ZFYVE16: variants seen among roughly 807,000 people sequenced by gnomAD.
ZFYVE16 encodes the protein zinc finger FYVE-type containing 16.
A neutral mutation model predicts 138.1 loss-of-function variants in ZFYVE16; 89 were observed. That is an observed-to-expected ratio of 0.64 (90% CI 0.54 to 0.77). ZFYVE16 has a LOEUF of 0.77. ZFYVE16 is among the 30% of genes least tolerant of loss of function. The probability of loss-of-function intolerance (pLI) is 0.00; values close to 1 mark genes in which losing one functional copy is unlikely to be tolerated. For missense variants in ZFYVE16, 1,793 were observed against 1,786.7 expected (o/e 1.00, Z -0.06); for synonymous variants, 596 against 618.3 (o/e 0.96, Z 0.53).
rs1479171598 is a variant in ZFYVE16, at chr5:80,459,463, A to C, written c.3993A>C (p.Ser1331=). 1 of 1,613,296 alleles carries C rather than the reference A, an allele frequency of 6.2e-7. No homozygotes were observed. Among genetic ancestry groups the C allele is most frequent in the Admixed American group, 1.7e-5 (1 of 59,946 alleles). Residue 1331 remains serine, a synonymous_variant, in exon 15 of 19, where the codon TCA becomes TCC. Transcript: ENST00000505560. ...TCAATGGAGCTCTAAAAACATCTTC[A>C]GGATTTCTTGCTAAGTCCAGCATAG... The part of the protein sequence containing the change: ...VVFNGALKTS[S]GFLAKSSIVE...
rs1198277279 is a variant in ZFYVE16 at position 80,451,606 on chromosome 5, A to G, written c.3504A>G (p.Pro1168=). 5.0e-6 allele frequency: 8 copies of G among 1,613,786 alleles called. No individual in the cohort carries two copies. Among genetic ancestry groups the G allele is most frequent in the Admixed American group, 1.7e-5 (1 of 59,998 alleles). Residue 1168 remains proline, a synonymous_variant, in exon 11 of 19, where the codon CCA becomes CCG. Coordinates refer to ENST00000505560, the MANE Select transcript of ZFYVE16 (RefSeq NM_001284236.3). ...TFQKLDDLSL[P]SNPFLCGILI... is the part of the protein sequence containing the mutation. ...AGAAACTTGATGATCTCTCATTACC[A>G]AGTAATCCTTTTCTTTGTGGAATTC... is the stretch of plus-strand genomic sequence containing the variant.
chr5:80,419,097 A>G (rs891432423), intron 1 of ZFYVE16, among the ~76,000 whole-genome samples: 110 of 85,936 alleles, frequency 1.3e-3, no homozygotes, highest in African/African-American at 4.8e-3. Flanking sequence ...TTTTTTTTTT[A>G]TGCAGGGTCT....
intron 2 of ZFYVE16, among the ~76,000 whole-genome samples, chr5:80,429,874 A>G (rs1430118073): frequency 2.0e-5 from 3 of 152,240 alleles, no homozygotes; most frequent in African/African-American, 7.2e-5. Context: ...GGATCAATTC[A>G]ACAAGAAGAG....
In ZFYVE16 at chr5:80,482,718, G is replaced by A. The variant is rs1755315423; in HGVS notation, c.*5341G>A. On this transcript the variant is annotated 3_prime_UTR_variant, in exon 19 of 19. Transcript: ENST00000505560. ...GTATATAGGAGAACCAAAGATTTCA[G>A]TGATGGCAGATTTCTCATCAGAAAC... The A allele has an allele frequency of 6.6e-6, 1 of 152,340 alleles. No individual in the cohort carries two copies. Among genetic ancestry groups the A allele is most frequent in the East Asian group, 1.9e-4 (1 of 5,192 alleles). The allele number at this position is 152,340 out of a possible 1,614,324, so 9.4% of individuals were successfully genotyped here.
intron 6 of ZFYVE16, 44 bp from the exon 7 acceptor site, chr5:80,445,219 C>A: frequency 6.3e-7 from 1 of 1,591,980 alleles, no homozygotes; most frequent in South Asian, 1.1e-5. Flanking sequence ...AAATCATTGC[C>A]ATATTACCAG....
intron 7 of ZFYVE16, among the ~76,000 whole-genome samples, chr5:80,446,145 C>T (rs1050978107): frequency 3.3e-5 from 5 of 152,066 alleles, no homozygotes; most frequent in Non-Finnish European, 7.4e-5. Context: ...ATCTGCCCAT[C>T]TCGGCCTCCC....
intron 13 of ZFYVE16, 82 bp downstream of exon 13, chr5:80,456,647 T>C (rs951890096): frequency 9.7e-6 from 12 of 1,240,440 alleles, no homozygotes; most frequent in African/African-American, 1.5e-5. Flanking sequence ...ATTTTTTGTT[T>C]TGAATTAGAC....
chr5:80,430,611 A>G (rs1475511159), intron 2 of ZFYVE16, among the ~76,000 whole-genome samples: 8 of 152,092 alleles, frequency 5.3e-5, no homozygotes, highest in Non-Finnish European at 1.2e-4. Flanking sequence ...AAGGAGATAG[A>G]GACACAAAAA....
intron 7 of ZFYVE16, 149 bp from the exon 8 acceptor site, chr5:80,447,877 G>A: frequency 1.6e-6 from 1 of 630,220 alleles, no homozygotes; most frequent in South Asian, 3.9e-5. Flanking sequence ...ACTGTTTCTT[G>A]GGAAATTTGA....
At position 80,438,317 on chromosome 5, in the gene ZFYVE16, C is replaced by A; in HGVS notation, c.1632C>A (p.Thr544=). The A allele has an allele frequency of 1.2e-6, 2 of 1,613,708 alleles. No individual in the cohort carries two copies. The highest frequency in any genetic ancestry group is 2.2e-5 in the South Asian group (2 of 91,058). Reference sequence around the variant, plus strand: ...TTCTGACAGAACAGTATCTTCAGACCACTAACATAAAGTCTTTTGAAGAAA... The same window carrying A: ...TTCTGACAGAACAGTATCTTCAGACAACTAACATAAAGTCTTTTGAAGAAA... ...DAFLTEQYLQ[T]TNIKSFEENV... Residue 544 remains threonine (T), a synonymous_variant, in exon 4 of 19, where the codon ACC becomes ACA. Coordinates refer to ENST00000505560, the MANE Select transcript of ZFYVE16 (RefSeq NM_001284236.3).
At chr5:80,436,364 C>G (rs1274667842) in intron 3 of ZFYVE16, among the ~76,000 whole-genome samples, 2 of 152,160 alleles carry the variant, frequency 1.3e-5, no homozygotes, top group Non-Finnish European at 2.9e-5. Flanking sequence ...TCAAGGACAT[C>G]AAATTATCAG....
chr5:80,435,592 AG>A (rs1217649917), intron 3 of ZFYVE16, among the ~76,000 whole-genome samples: 3 of 152,202 alleles, frequency 2.0e-5, no homozygotes, highest in African/African-American at 7.2e-5. Flanking sequence ...TCTAAGAGAC[AG>A]GGTCTTGCTC....
intron 5 of ZFYVE16, chr5:80,441,336 G>T (rs1427753523): frequency 1.0e-6 from 1 of 985,140 alleles, no homozygotes; most frequent in Non-Finnish European, 1.2e-6. Flanking sequence ...AAATTCAGTA[G>T]AATACTGAGA....
intron 10 of ZFYVE16, among the ~76,000 whole-genome samples, chr5:80,450,789 A>G (rs1230331362): frequency 1.3e-5 from 2 of 151,186 alleles, no homozygotes; most frequent in African/African-American, 4.9e-5. Flanking sequence ...TTGTATTTTA[A>G]AAATGGAAAT....
chr5:80,435,377 C>G (rs961541394), intron 3 of ZFYVE16, among the ~76,000 whole-genome samples: 11 of 152,028 alleles, frequency 7.2e-5, no homozygotes, highest in African/African-American at 2.7e-4. Flanking sequence ...CCATGTTGGC[C>G]AGGCTAGTCT....
At chr5:80,434,028 CTG>C (rs1444183085) in intron 2 of ZFYVE16, 79 bp from the exon 3 acceptor site, 6 of 907,060 alleles carry the variant, frequency 6.6e-6, no homozygotes, top group Non-Finnish European at 1.0e-5. Flanking sequence ...AATTTCTTGA[CTG>C]TGTTTCCTGG....
chr5:80,421,765 C>CT (rs1159362185), intron 1 of ZFYVE16, among the ~76,000 whole-genome samples: 2 of 152,264 alleles, frequency 1.3e-5, no homozygotes, highest in South Asian at 2.1e-4. Flanking sequence ...TTAGGACTGT[C>CT]TCGGCAATGC....
chr5:80,445,390 A>G lies in ZFYVE16; in HGVS notation c.2709A>G (p.Ser903=). The stretch of plus-strand genomic sequence containing the variant: ...GTTCTGAAGACTTTAGTCCTCTCTC[A>G]CCTGATGTGCCTATGGTAAGGAATT... ...KRCSEDFSPL[S]PDVPMTVNTV... is the part of the protein sequence containing the mutation. Residue 903 remains serine, a synonymous_variant, in exon 7 of 19, where the codon TCA becomes TCG. Coordinates refer to ENST00000505560, the MANE Select transcript of ZFYVE16 (RefSeq NM_001284236.3). The G allele has an allele frequency of 6.2e-7, 1 of 1,613,104 alleles. No homozygotes were observed. Among genetic ancestry groups the G allele is most frequent in the Non-Finnish European group, 8.5e-7 (1 of 1,179,694 alleles).
chr5:80,454,593 G>T (rs569968201), intron 11 of ZFYVE16: 1 of 150,734 alleles, frequency 6.6e-6, no homozygotes, highest in East Asian at 2.0e-4. Context: ...TGCAAGCTTC[G>T]CCTCCCGGGT....
Sources: gnomAD v4.1 joint callset for allele counts (sites outside exome capture counted in the v4.1 genomes callset) on GRCh38, gnomAD v4.1.1 for gene constraint, MANE v1.5 for transcripts, NCBI Gene and HGNC (gene_info 2026-07-23, HGNC 2026-07-21) for gene names.